Variants in PPARGC1A observed in about 807,000 individuals in gnomAD.
PPARGC1A encodes PPARG coactivator 1 alpha.
Under a neutral mutation model 88.7 loss-of-function variants are expected in PPARGC1A, and 25 were observed. The ratio of observed to expected loss-of-function variants is 0.28; its 90% confidence interval spans 0.21 to 0.39. PPARGC1A has a LOEUF of 0.39. Ranked by LOEUF, PPARGC1A falls within the 10% of genes least tolerant of loss-of-function variation. PPARGC1A has a pLI of 1.00. For missense variants in PPARGC1A, 880 were observed against 968.7 expected (o/e 0.91, Z 1.22); for synonymous variants, 363 against 355.6 (o/e 1.02, Z -0.24).
At chr4:23,913,306 AG>A in the PPARGC1A span, among the ~76,000 whole-genome samples, 1,082 of 136,006 alleles carry the variant, frequency 8.0e-3, 5 homozygotes, top group Middle Eastern at 0.024. Flanking sequence ...AGAGAGAGAG[AG>A]AAAGAGAAAA....
intron 2 of PPARGC1A, among the ~76,000 whole-genome samples, chr4:23,855,411 T>C (rs1032294325): frequency 1.8e-4 from 27 of 152,288 alleles, no homozygotes; most frequent in African/African-American, 6.3e-4. Flanking sequence ...TGGAACATAA[T>C]TGGCATTCAG....
the PPARGC1A span, among the ~76,000 whole-genome samples, chr4:23,929,865 C>A: frequency 6.6e-6 from 1 of 152,134 alleles, no homozygotes; most frequent in East Asian, 1.9e-4. Context: ...CTAGGCTAAG[C>A]CTTTATGAGG....
the PPARGC1A span, among the ~76,000 whole-genome samples, chr4:24,299,151 G>C: frequency 6.6e-6 from 1 of 152,096 alleles, no homozygotes; most frequent in African/African-American, 2.4e-5. Context: ...TGAACACAAA[G>C]AACAGCTGCA....
intron 1 of PPARGC1A, chr4:23,889,439 G>C (rs1717457071): frequency 1.3e-5 from 12 of 908,256 alleles, no homozygotes; most frequent in Admixed American, 6.2e-5. Context: ...CTGATGAACA[G>C]AGAGAGAGGG....
intron 2 of PPARGC1A, among the ~76,000 whole-genome samples, chr4:23,862,022 C>T (rs972051485): frequency 3.9e-5 from 6 of 152,164 alleles, no homozygotes; most frequent in African/African-American, 9.7e-5. Flanking sequence ...AATCAGTCAA[C>T]GAGTATCAAC....
In PPARGC1A at chr4:23,819,968, T is replaced by C. The variant is rs372080375; in HGVS notation, c.877+4312A>G. On this transcript the variant is annotated intron_variant, in intron 7 of 12. Transcript: ENST00000264867. Reference sequence around the variant, plus strand: ...ATGTCACATACACAAGGAGTATGTATGCCAAAAGGCTACAGCCGTTTGTCA... The same window carrying C: ...ATGTCACATACACAAGGAGTATGTACGCCAAAAGGCTACAGCCGTTTGTCA... Among the ~76,000 whole-genome samples, 7 of 152,320 alleles carry C rather than the reference T, an allele frequency of 4.6e-5. No homozygotes were observed. In the South Asian group the frequency reaches 1.2e-3, roughly 27 times the overall value.
chr4:24,214,464 G>T, the PPARGC1A span, among the ~76,000 whole-genome samples: 1 of 152,182 alleles, frequency 6.6e-6, no homozygotes, highest in Non-Finnish European at 1.5e-5. Flanking sequence ...TTTCTAAAAA[G>T]GTCTTGGGAA....
chr4:24,235,708 G>C, the PPARGC1A span, among the ~76,000 whole-genome samples: 1 of 152,194 alleles, frequency 6.6e-6, no homozygotes, highest in Non-Finnish European at 1.5e-5. Context: ...TTAGCCAAAA[G>C]AGAAACTGCA....
At chr4:24,093,187 A>G in the PPARGC1A span, among the ~76,000 whole-genome samples, 1 of 152,232 alleles carries the variant, frequency 6.6e-6, no homozygotes, top group Non-Finnish European at 1.5e-5. Flanking sequence ...GATGAGGCCA[A>G]GAGTTAGTTC....
chr4:24,069,496 T>C, the PPARGC1A span, among the ~76,000 whole-genome samples: 1 of 152,316 alleles, frequency 6.6e-6, no homozygotes, highest in East Asian at 1.9e-4. Context: ...ATAAGATGAA[T>C]AGTGACACTG....
chr4:24,420,758 G>A, the PPARGC1A span, among the ~76,000 whole-genome samples: 1 of 152,056 alleles, frequency 6.6e-6, no homozygotes, highest in African/African-American at 2.4e-5. Flanking sequence ...TGTTGAACCG[G>A]GGTAGCGTTC....
chr4:24,038,262 A>C, the PPARGC1A span, among the ~76,000 whole-genome samples: 1 of 152,188 alleles, frequency 6.6e-6, no homozygotes, highest in Non-Finnish European at 1.5e-5. Context: ...CCCTCTACAA[A>C]ACCAGACCTG....
chr4:23,969,527 C>T, the PPARGC1A span, among the ~76,000 whole-genome samples: 5 of 152,224 alleles, frequency 3.3e-5, no homozygotes, highest in Non-Finnish European at 5.9e-5. Flanking sequence ...AAGAACACAC[C>T]AAACATGAAC....
At chr4:24,088,297 G>A in the PPARGC1A span, among the ~76,000 whole-genome samples, 2 of 152,206 alleles carry the variant, frequency 1.3e-5, no homozygotes, top group South Asian at 2.1e-4. Context: ...AGAGGCTGCA[G>A]TGAGCCATGA....
At chr4:24,114,164 TG>T in the PPARGC1A span, among the ~76,000 whole-genome samples, 1 of 147,090 alleles carries the variant, frequency 6.8e-6, no homozygotes, top group African/African-American at 2.5e-5. Flanking sequence ...GAAAGAACCC[TG>T]GGTTCCAGAT....
the PPARGC1A span, among the ~76,000 whole-genome samples, chr4:24,193,715 G>A: frequency 6.6e-6 from 1 of 152,138 alleles, no homozygotes; most frequent in Admixed American, 6.5e-5. Context: ...TGGGCATTTT[G>A]ATTGCTTACT....
chr4:24,030,832 A>C, the PPARGC1A span, among the ~76,000 whole-genome samples: 40 of 152,320 alleles, frequency 2.6e-4, no homozygotes, highest in South Asian at 1.0e-3. Context: ...CTGCACAAAG[A>C]CTGGCCTTGA....
chr4:24,221,419 A>G, the PPARGC1A span, among the ~76,000 whole-genome samples: 1 of 152,242 alleles, frequency 6.6e-6, no homozygotes, highest in Admixed American at 6.5e-5. Flanking sequence ...GTCAAAGGTC[A>G]CAGAATGAGA....
chr4:24,301,367 T>C, the PPARGC1A span, among the ~76,000 whole-genome samples: 1 of 152,144 alleles, frequency 6.6e-6, no homozygotes, highest in Admixed American at 6.5e-5. Context: ...CCAGTAGTGA[T>C]TTACAGCCTT....
Sources: allele counts gnomAD v4.1 joint callset (sites outside exome capture counted in the v4.1 genomes callset), GRCh38; gene constraint gnomAD v4.1.1; transcripts MANE v1.5; gene names NCBI Gene and HGNC (gene_info 2026-07-23, HGNC 2026-07-21).